The following ZBTB40 variants were observed in gnomAD, a reference collection of about 807,000 sequenced individuals.
The protein encoded by ZBTB40 is zinc finger and BTB domain-containing protein 40.
In ZBTB40, 60 loss-of-function variants were observed where a neutral mutation model predicts 117.5. The ratio of observed to expected loss-of-function variants is 0.51; its 90% CI spans 0.41 to 0.63. ZBTB40 has a LOEUF of 0.63. Ranked by LOEUF, ZBTB40 falls within the 30% of genes least tolerant of loss-of-function variation. ZBTB40 has a pLI of 0.00. For synonymous variants in ZBTB40, 525 were observed against 577.1 expected (o/e 0.91, Z 1.29); for missense variants, 1,287 against 1,498.5 (o/e 0.86, Z 2.33).
chr1:22,501,412 G>A, intron 3 of ZBTB40, 80 bp from the exon 4 acceptor site: 1 of 1,496,402 alleles, frequency 6.7e-7, no homozygotes. Flanking sequence ...AAACTGTTGA[G>A]GACCTTGTTT....
Position 22,490,213 on chromosome 1 carries a change from A to G in ZBTB40, c.265A>G (p.Asn89Asp), listed in dbSNP as rs1384206400. The change falls in exon 2 of 18, where the codon AAC becomes GAC. Residue 89 changes from asparagine (N) to aspartate (D), a missense_variant. Asn to Asp is a conservative substitution (Grantham distance 23). Transcript: ENST00000375647. ...YTGKLPVGKH[N>D]FSKIISLADS... ...GGGCAAACTACCTGTGGGCAAGCAC[A>G]ACTTCTCCAAAATCATCTCCTTAGC... 6.2e-7 allele frequency: 1 copy of G among 1,614,072 alleles called. No individual in the cohort carries two copies. The highest frequency in any genetic ancestry group is 8.5e-7 in the Non-Finnish European group (1 of 1,180,042).
chr1:22,434,200 A>G (rs1276122029), intron 1 of ZBTB40, among the ~76,000 whole-genome samples: 2 of 152,218 alleles, frequency 1.3e-5, no homozygotes, highest in East Asian at 3.8e-4. Flanking sequence ...CTATGAATTA[A>G]TCGAGCATCT....
intron 3 of ZBTB40, among the ~76,000 whole-genome samples, chr1:22,497,749 G>A (rs1036680404): frequency 2.0e-5 from 3 of 152,138 alleles, no homozygotes; most frequent in African/African-American, 7.2e-5. Context: ...GTAGAACTAG[G>A]TGAAAGGGGT....
intron 1 of ZBTB40, among the ~76,000 whole-genome samples, chr1:22,488,937 G>C (rs1350214236): frequency 1.3e-5 from 2 of 151,994 alleles, no homozygotes; most frequent in Non-Finnish European, 2.9e-5. Flanking sequence ...TTGGATTTTG[G>C]ATATGTTTTG....
chr1:22,490,589 C>A lies in ZBTB40; in HGVS notation c.641C>A (p.Ser214Tyr), dbSNP rs1015245857. ...AETPTTAEAC[S>Y]PSPAVQTFSE... The stretch of plus-strand genomic sequence containing the variant: ...ACTCCTACTACAGCTGAAGCTTGTT[C>A]CCCCTCCCCTGCTGTGCAAACCTTT... Residue 214 changes from serine to tyrosine, a missense_variant, in exon 2 of 18, where the codon TCC becomes TAC. Coordinates refer to ENST00000375647, the MANE Select transcript of ZBTB40 (RefSeq NM_014870.4). The A allele has an allele frequency of 6.2e-7, 1 of 1,614,092 alleles. No individual in the cohort carries two copies. The highest frequency in any genetic ancestry group is 1.6e-4 in the Middle Eastern group (1 of 6,062).
At chr1:22,487,609 G>GT (rs1453685337) in intron 1 of ZBTB40, among the ~76,000 whole-genome samples, 1 of 151,912 alleles carries the variant, frequency 6.6e-6, no homozygotes, top group Non-Finnish European at 1.5e-5. Flanking sequence ...ACTTTGCAAT[G>GT]TTTTTTTGGC....
At chr1:22,512,651 AAGAG>A (rs1422097624) in intron 11 of ZBTB40, among the ~76,000 whole-genome samples, 1 of 152,232 alleles carries the variant, frequency 6.6e-6, no homozygotes, top group Non-Finnish European at 1.5e-5. Flanking sequence ...GGTCCTATTT[AAGAG>A]AGAGAAGGGA....
Position 22,506,138 on chromosome 1 carries a change from T to C in ZBTB40, c.1257T>C (p.Ala419=), listed in dbSNP as rs747601820. ...TGACTGAAGAGAAGACGCTGACTGC[T>C]GAGGGTTTGGTAAAACTCCTCCAGG... ...HRMTEEKTLT[A]EGLVKLLQAV... is the part of the protein sequence containing the mutation. Residue 419 remains alanine, a synonymous_variant, in exon 6 of 18, where the codon GCT becomes GCC. Coordinates refer to ENST00000375647, the MANE Select transcript of ZBTB40 (RefSeq NM_014870.4). 3 of 1,614,212 alleles carry C rather than the reference T, an allele frequency of 1.9e-6. No individual in the cohort carries two copies. The highest frequency in any genetic ancestry group is 3.3e-5 in the Admixed American group (2 of 60,018).
chr1:22,520,846 T>G (rs1639502031), intron 14 of ZBTB40, among the ~76,000 whole-genome samples: 1 of 152,250 alleles, frequency 6.6e-6, no homozygotes, highest in Non-Finnish European at 1.5e-5. Context: ...GCATAACTGC[T>G]AACTTTAGCT....
At chr1:22,507,948 C>A (rs1006320731) in intron 6 of ZBTB40, 53 bp from the exon 7 acceptor site, 1 of 1,613,474 alleles carries the variant, frequency 6.2e-7, no homozygotes. Context: ...CTGGAGTCTT[C>A]TGTAGGAGGT....
At chr1:22,520,029 C>T (rs1249523253) in intron 13 of ZBTB40, 32 bp from the exon 14 acceptor site, 1 of 1,603,468 alleles carries the variant, frequency 6.2e-7, no homozygotes, top group Non-Finnish European at 8.5e-7. Context: ...TCCTCTCCAC[C>T]TCTTCCTCTC....
intron 1 of ZBTB40, among the ~76,000 whole-genome samples, chr1:22,434,263 T>G (rs1304830374): frequency 6.6e-6 from 1 of 152,250 alleles, no homozygotes; most frequent in Non-Finnish European, 1.5e-5. Context: ...TAACTGCTTC[T>G]TTGTGTCTCT....
chr1:22,472,883 G>C (rs1641445330), intron 1 of ZBTB40, among the ~76,000 whole-genome samples: 1 of 152,206 alleles, frequency 6.6e-6, no homozygotes, highest in Non-Finnish European at 1.5e-5. Context: ...CTGCTGGAAT[G>C]CATTCCAAAA....
chr1:22,465,998 A>AC (rs34145593), intron 1 of ZBTB40, among the ~76,000 whole-genome samples: 2 of 151,290 alleles, frequency 1.3e-5, no homozygotes, highest in Admixed American at 6.6e-5. Flanking sequence ...TCACTCTGAA[A>AC]CCCCCCCTGT....
In ZBTB40 at chr1:22,508,212, A is replaced by G. The variant is rs1639127173; in HGVS notation, c.1497+75A>G. ...GGAAAAAATATGAATACACACACAC[A>G]TTTATATTTTCTGTAAATATACATA... is the stretch of plus-strand genomic sequence containing the variant. On this transcript the variant is annotated intron_variant, in intron 7 of 17. Transcript: ENST00000375647. The G allele has an allele frequency of 2.9e-5, 43 of 1,502,016 alleles. No homozygotes were observed. In the South Asian group the frequency reaches 4.6e-4, roughly 16 times the overall value. 93.0% of individuals were successfully genotyped at this position (1,502,016 alleles called of 1,614,324 possible).
chr1:22,517,361 C>T lies in ZBTB40; in HGVS notation c.2730C>T (p.Arg910=). 6.2e-7 allele frequency: 1 copy of T among 1,614,200 alleles called. No individual in the cohort carries two copies. Among genetic ancestry groups the T allele is most frequent in the Non-Finnish European group, 8.5e-7 (1 of 1,180,038 alleles). The stretch of plus-strand genomic sequence containing the variant: ...TTGCCCAGTCTATTGAGCTGTCCCG[C>T]CACGTGAGGACCCACACCGGGGACA... ...AVFAQSIELS[R]HVRTHTGDKP... Residue 910 remains arginine, a synonymous_variant, in exon 13 of 18, where the codon CGC becomes CGT. Transcript: ENST00000375647.
chr1:22,521,621 C>T lies in ZBTB40; in HGVS notation c.3174C>T (p.Thr1058=). The part of the protein sequence containing the change: ...CSSCDKTFPN[T]IEHKKHIKAE... Reference sequence around the variant, plus strand: ...CCTGTGACAAAACCTTCCCCAACACCATTGAGCACAAGAAGCACATCAAAG... The same window carrying T: ...CCTGTGACAAAACCTTCCCCAACACTATTGAGCACAAGAAGCACATCAAAG... Residue 1058 remains threonine (T), a synonymous_variant, in exon 15 of 18, where the codon ACC becomes ACT. Coordinates refer to ENST00000375647, the MANE Select transcript of ZBTB40 (RefSeq NM_014870.4). 6.2e-7 allele frequency: 1 copy of T among 1,614,220 alleles called. No individual in the cohort carries two copies. The highest frequency in any genetic ancestry group is 8.5e-7 in the Non-Finnish European group (1 of 1,180,034).
chr1:22,466,758 G>A (rs1041941314), intron 1 of ZBTB40, among the ~76,000 whole-genome samples: 7 of 150,958 alleles, frequency 4.6e-5, no homozygotes, highest in Non-Finnish European at 1.0e-4. Context: ...TTGTTGAGTT[G>A]TAAGAGTTCC....
intron 1 of ZBTB40, among the ~76,000 whole-genome samples, chr1:22,442,028 T>C (rs745938287): frequency 6.6e-6 from 1 of 152,252 alleles, no homozygotes; most frequent in African/African-American, 2.4e-5. Flanking sequence ...CTTTGATTCA[T>C]TGGTTGTTTA....
Sources: allele counts gnomAD v4.1 joint callset (sites outside exome capture counted in the v4.1 genomes callset), GRCh38; gene constraint gnomAD v4.1.1; transcripts MANE v1.5; gene names NCBI Gene and HGNC (gene_info 2026-07-23, HGNC 2026-07-21).